NEDD9: variants seen among roughly 807,000 people sequenced by gnomAD.
NEDD9 encodes enhancer of filamentation 1.
In NEDD9, 26 loss-of-function variants were observed where a neutral mutation model predicts 76.6. The observed-to-expected ratio is 0.34, with a 90% CI of 0.25 to 0.47. The LOEUF (loss-of-function observed/expected upper bound fraction) is 0.47, where lower values mean the gene tolerates loss of function less well. Among genes scored for constraint, NEDD9 ranks in the 20% least tolerant of loss-of-function variants. NEDD9 has a pLI of 1.00. For missense variants in NEDD9, 937 were observed against 1,058.5 expected (o/e 0.89, Z 1.59); for synonymous variants, 392 against 414.2 (o/e 0.95, Z 0.65).
At chr6:11,240,567 A>G (rs2025676) in intron 3 of NEDD9, among the ~76,000 whole-genome samples, 145,141 of 152,314 alleles carry the variant, frequency 0.95, 69,199 homozygotes, top group East Asian at 1. Flanking sequence ...CTAATATCTT[A>G]ACTTGATGTT....
chr6:11,228,937 G>A (rs967862702), intron 1 of NEDD9, among the ~76,000 whole-genome samples: 3 of 152,128 alleles, frequency 2.0e-5, no homozygotes, highest in Non-Finnish European at 4.4e-5. Context: ...ATCATACAGA[G>A]AAAAATAAAG....
intron 3 of NEDD9, among the ~76,000 whole-genome samples, chr6:11,275,565 C>CACACACACACATATATATATATATAT (rs551632582): frequency 2.7e-5 from 4 of 150,184 alleles, no homozygotes; most frequent in African/African-American, 9.8e-5. Context: ...CACACACACA[C>CACACACACACATATATATATATATAT]ATATATATAT....
At chr6:11,364,775 A>G (rs577747933) in intron 1 of NEDD9, among the ~76,000 whole-genome samples, 24 of 152,290 alleles carry the variant, frequency 1.6e-4, no homozygotes, top group African/African-American at 5.8e-4. Context: ...ATTTTTCGCC[A>G]TCCCACTAAC....
chr6:11,205,401 C>G (rs919099993), intron 2 of NEDD9, among the ~76,000 whole-genome samples: 4 of 152,178 alleles, frequency 2.6e-5, no homozygotes, highest in African/African-American at 9.7e-5. Flanking sequence ...GTGAAGGCTG[C>G]ACATTCAATT....
chr6:11,206,582 T>G (rs1758622798), intron 2 of NEDD9, among the ~76,000 whole-genome samples: 1 of 152,220 alleles, frequency 6.6e-6, no homozygotes. Flanking sequence ...TCATTTAGCA[T>G]GAAATCATTG....
At chr6:11,269,795 T>G (rs1483796259) in intron 3 of NEDD9, among the ~76,000 whole-genome samples, 1 of 151,878 alleles carries the variant, frequency 6.6e-6, no homozygotes, top group Non-Finnish European at 1.5e-5. Flanking sequence ...GAATTAAACC[T>G]AGAGTAAACC....
At chr6:11,225,819 TA>T (rs1396240693) in intron 1 of NEDD9, among the ~76,000 whole-genome samples, 13 of 131,390 alleles carry the variant, frequency 9.9e-5, no homozygotes, top group South Asian at 5.2e-4. Context: ...TTTTTTTTTT[TA>T]AAGAATAACT....
At chr6:11,277,226 GT>G (rs1476064221) in intron 3 of NEDD9, among the ~76,000 whole-genome samples, 7 of 152,218 alleles carry the variant, frequency 4.6e-5, no homozygotes, top group African/African-American at 1.7e-4. Flanking sequence ...GAAGAAAAGG[GT>G]TTCTGCCTCT....
intron 3 of NEDD9, among the ~76,000 whole-genome samples, chr6:11,274,812 C>A (rs919955928): frequency 1.3e-5 from 2 of 152,076 alleles, no homozygotes; most frequent in African/African-American, 4.8e-5. Context: ...TAGGGAAATT[C>A]CTCAAAAAAT....
rs751418682 is a variant in NEDD9 at position 11,283,503 on chromosome 6, G to A, written c.12+22489C>T. On this transcript the variant is annotated intron_variant, in intron 3 of 3. Coordinates refer to the NEDD9 transcript ENST00000397378. Reference sequence around the variant, plus strand: ...GAGTAGAATCTTGGTTACAGAGGAGGGAAAAAGGCATTTGAGACCATTAGA... The same window carrying A: ...GAGTAGAATCTTGGTTACAGAGGAGAGAAAAAGGCATTTGAGACCATTAGA... 9.9e-5 allele frequency among the ~76,000 whole-genome samples: 15 copies of A among 152,066 alleles called. 1 individual carries two copies. The highest frequency in any genetic ancestry group is 2.1e-4 in the Non-Finnish European group (14 of 68,006).
In NEDD9 at chr6:11,237,853, A is replaced by C. The variant is rs1208561814; in HGVS notation, c.13-24126T>G. Among the ~76,000 whole-genome samples the C allele has an allele frequency of 6.6e-6, 1 of 152,224 alleles. No homozygotes were observed. The highest frequency in any genetic ancestry group is 1.5e-5 in the Non-Finnish European group (1 of 68,044). ...AAAGTATAGATCTTTCCACATCTAC[A>C]GGGGAACAATCTGGAAGCTGAGTGA... On this transcript the variant is annotated intron_variant, in intron 3 of 3. Transcript: ENST00000397378. The surrounding 1 kb of genome is among the most constrained non-coding windows in gnomAD (Gnocchi z 4.9).
chr6:11,186,198 C>G (rs8180658), intron 6 of NEDD9, among the ~76,000 whole-genome samples: 82,789 of 151,798 alleles, frequency 0.55, 22,954 homozygotes, highest in African/African-American at 0.63. Flanking sequence ...CTCTTTCTGT[C>G]AAGATTGATA....
exon 3 of NEDD9, chr6:11,306,049 TC>T: frequency 2.5e-6 from 4 of 1,613,288 alleles, no homozygotes; most frequent in Non-Finnish European, 3.4e-6. Flanking sequence ...AAAGGACAAT[TC>T]CGGCGTTTTA....
intron 5 of NEDD9, among the ~76,000 whole-genome samples, chr6:11,188,878 C>T (rs1012537980): frequency 3.3e-5 from 5 of 152,060 alleles, no homozygotes; most frequent in South Asian, 2.1e-4. Flanking sequence ...TAATCTGTGA[C>T]TCTCAGTCAA....
chr6:11,223,829 G>A (rs1029396719), intron 1 of NEDD9, among the ~76,000 whole-genome samples: 1 of 152,146 alleles, frequency 6.6e-6, no homozygotes, highest in African/African-American at 2.4e-5. Flanking sequence ...AGGAAAGAGA[G>A]CACCTTGTTA....
intron 3 of NEDD9, among the ~76,000 whole-genome samples, chr6:11,253,021 G>A (rs1018306097): frequency 1.3e-5 from 2 of 152,248 alleles, no homozygotes; most frequent in East Asian, 1.9e-4. Context: ...AGGAGTAGGG[G>A]CACGAGAATG....
intron 3 of NEDD9, among the ~76,000 whole-genome samples, chr6:11,301,023 T>C (rs138860202): frequency 0.12 from 18,218 of 152,090 alleles, 1,235 homozygotes; most frequent in Admixed American, 0.18. Flanking sequence ...ACAATATTAA[T>C]CTTAAGTGAA....
chr6:11,381,730 C>T (rs1036327604), intron 1 of NEDD9, among the ~76,000 whole-genome samples: 4 of 152,090 alleles, frequency 2.6e-5, no homozygotes, highest in East Asian at 3.8e-4. Context: ...CTGAAAAGGA[C>T]GTAAATGATT....
rs1334289611 is a variant in NEDD9 at position 11,192,427 on chromosome 6, G to A, written c.581C>T (p.Ser194Leu). Residue 194 changes from serine to leucine, a missense_variant, in exon 4 of 7, where the codon TCA (serine) becomes TTA (leucine). Coordinates refer to ENST00000379446, the MANE Select transcript of NEDD9 (RefSeq NM_006403.4). ...TGAAAACACAGGGCCTTTTGCTGAT[G>A]AGGGAGGGATGTCGTATACCTGAAG... ...TTQGVYDIPPSSAKGPVFSVP... is the reference protein window; with the variant it reads ...TTQGVYDIPPLSAKGPVFSVP... The A allele has an allele frequency of 6.2e-7, 1 of 1,611,056 alleles. No homozygotes were observed. Among genetic ancestry groups the A allele is most frequent in the South Asian group, 1.1e-5 (1 of 90,292 alleles).
Sources: allele counts gnomAD v4.1 joint callset (sites outside exome capture counted in the v4.1 genomes callset), GRCh38; gene constraint gnomAD v4.1.1; non-coding constraint Gnocchi (gnomAD v3.1); transcripts MANE v1.5; gene names NCBI Gene and HGNC (gene_info 2026-07-23, HGNC 2026-07-21).